Variants in SETD9 observed in about 807,000 individuals in gnomAD.
The protein encoded by SETD9 is SET domain-containing protein 9.
SETD9 carries 37 observed loss-of-function variants against 36.4 expected under a neutral mutation model. The ratio of observed to expected loss-of-function variants is 1.02; its 90% CI spans 0.78 to 1.34. The LOEUF (loss-of-function observed/expected upper bound fraction) is 1.34. SETD9 is among the 40% of genes most tolerant of loss of function. SETD9 has a pLI of 0.00. For missense variants in SETD9, 323 were observed against 353.2 expected, an observed-to-expected ratio of 0.91 and a Z score of 0.69; for synonymous variants, 128 against 132.9, an observed-to-expected ratio of 0.96 and a Z score of 0.26.
downstream of SETD9, among the ~76,000 whole-genome samples, chr5:56,926,111 T>C (rs832532): frequency 0.79 from 119,493 of 152,002 alleles, 47,398 homozygotes; most frequent in Non-Finnish European, 0.84. Context: ...AAATGGATTA[T>C]AGACCTAAAT....
chr5:56,914,428 A>C (rs1206801614), intron 4 of SETD9, among the ~76,000 whole-genome samples: 1 of 152,160 alleles, frequency 6.6e-6, no homozygotes, highest in East Asian at 1.9e-4. Flanking sequence ...TACATTTAAC[A>C]TGGGCTTTGG....
At chr5:56,918,257 A>G (rs1749508745), downstream of SETD9, among the ~76,000 whole-genome samples, 1 of 151,908 alleles carries the variant, frequency 6.6e-6, no homozygotes, top group South Asian at 2.1e-4. Flanking sequence ...CACATTCCCA[A>G]CCAAGGACTT....
At position 56,913,108 on chromosome 5, in the gene SETD9, C is replaced by A. The variant is rs1749234763; in HGVS notation, c.564C>A (p.Asp188Glu). 6.2e-7 allele frequency: 1 copy of A among 1,613,918 alleles called. No individual in the cohort carries two copies. The highest frequency in any genetic ancestry group is 1.3e-5 in the African/African-American group (1 of 74,884). The change falls in exon 3 of 6, where the codon GAC (aspartate) becomes GAA (glutamate). Residue 188 changes from aspartate (D) to glutamate (E), a missense_variant. Transcript: ENST00000285947. ...ATGGGGTACTCATTGATGGGAATGA[C>A]AAAGGGATATCAAAAGTTGTGTACA... Reference protein sequence around the residue: ...CLDGVLIDGNDKGISKVVYRS... With the variant: ...CLDGVLIDGNEKGISKVVYRS...
rs779438595 is a variant in SETD9 at position 56,911,198 on chromosome 5, A to G, written c.128A>G (p.Lys43Arg). 2.4e-5 allele frequency: 37 copies of G among 1,569,268 alleles called. No individual in the cohort carries two copies. The highest frequency in any genetic ancestry group is 2.9e-5 in the Non-Finnish European group (34 of 1,162,044). ...CTCCGATATGTTCCAGAGGAATCCA[A>G]AGACAAAGTTATCTCAGATGAAGAT... ...RTLRYVPEES[K>R]DKVISDEDVL... The change falls in exon 2 of 6, where the codon AAA becomes AGA. Residue 43 changes from lysine to arginine, a missense_variant. By Grantham distance (26) the Lys-to-Arg change is conservative (BLOSUM62 2). Coordinates refer to ENST00000285947, the MANE Select transcript of SETD9 (RefSeq NM_153706.4).
At chr5:56,922,317 C>G (rs1204254795), downstream of SETD9, 1 of 152,410 alleles carries the variant, frequency 6.6e-6, no homozygotes, top group Non-Finnish European at 1.5e-5. Context: ...GACAAAACCC[C>G]ATCTGAGTAC....
At chr5:56,909,977 C>T in intron 1 of SETD9, 4 of 1,283,236 alleles carry the variant, frequency 3.1e-6, no homozygotes, top group Non-Finnish European at 4.1e-6. Flanking sequence ...GTCCGAGGCC[C>T]GCTGGAAGCC....
chr5:56,909,435 G>T, upstream of SETD9: 1 of 468,008 alleles, frequency 2.1e-6, no homozygotes, highest in Admixed American at 4.4e-5. Context: ...CCTCCTTCCA[G>T]CTCTACGCGC....
At chr5:56,923,082 C>G in intron 5 of SETD9, 1 of 1,553,158 alleles carries the variant, frequency 6.4e-7, no homozygotes, top group Non-Finnish European at 8.8e-7. Context: ...TAGCTCCCCT[C>G]AAGTTTACTG....
chr5:56,915,736 G>T (rs957234035), intron 5 of SETD9, among the ~76,000 whole-genome samples: 1 of 152,156 alleles, frequency 6.6e-6, no homozygotes, highest in African/African-American at 2.4e-5. Context: ...GGCCAAGGTG[G>T]GTGGATTGCT....
chr5:56,914,921 T>C lies in SETD9; in HGVS notation c.767T>C (p.Leu256Pro), dbSNP rs1210346540. 7.5e-6 allele frequency: 12 copies of C among 1,600,248 alleles called. No individual in the cohort carries two copies. Among genetic ancestry groups the C allele is most frequent in the Non-Finnish European group, 1.0e-5 (12 of 1,170,702 alleles). The change falls in exon 5 of 6, where the codon CTG (leucine) becomes CCG (proline). Residue 256 changes from leucine to proline, a missense_variant. Physicochemically the swap from Leu to Pro is moderately conservative, Grantham distance 98. Coordinates refer to ENST00000285947, the MANE Select transcript of SETD9 (RefSeq NM_153706.4). ...FDVPAVFPIE[L>P]KQYLPNIAYS... ...GTGCCTGCAGTTTTCCCTATAGAAC[T>C]GAAGCAGTATCTTCCAAACATTGCC... is the stretch of plus-strand genomic sequence containing the variant.
At chr5:56,915,528 A>T (rs1189707097) in intron 5 of SETD9, among the ~76,000 whole-genome samples, 1 of 152,244 alleles carries the variant, frequency 6.6e-6, no homozygotes, top group African/African-American at 2.4e-5. Flanking sequence ...TGGAGAGCTA[A>T]GAGTTCTTTC....
chr5:56,918,647 G>A (rs1749524468), downstream of SETD9, among the ~76,000 whole-genome samples: 1 of 152,164 alleles, frequency 6.6e-6, no homozygotes, highest in Non-Finnish European at 1.5e-5. Flanking sequence ...CTGTGCATGT[G>A]TCCACCACAG....
chr5:56,916,244 TAGTC>T (rs1344257262), intron 5 of SETD9, among the ~76,000 whole-genome samples: 1 of 151,894 alleles, frequency 6.6e-6, no homozygotes, highest in Non-Finnish European at 1.5e-5. Flanking sequence ...ATACAAAAAT[TAGTC>T]AGGCGTGGTG....
At chr5:56,909,777 T>C (rs1297481993) in intron 1 of SETD9, 34 bp downstream of exon 1, 17 of 1,580,878 alleles carry the variant, frequency 1.1e-5, no homozygotes, top group Non-Finnish European at 1.5e-5. Context: ...GAGGGGCACC[T>C]GCCTTCGGTT....
Position 56,923,507 on chromosome 5 carries a change from T to C in SETD9, c.813-1826T>C, listed in dbSNP as rs1473888286. ...ATGATTAACTTGTCCACGGGGTGTG[T>C]TGCCCAGTGGAGGAAAGCTATCATC... is the stretch of plus-strand genomic sequence containing the variant. On this transcript the variant is annotated intron_variant, in intron 5 of 5. Transcript: ENST00000628593. 4 of 1,614,056 alleles carry C rather than the reference T, an allele frequency of 2.5e-6. No homozygotes were observed. The Admixed American group carries it at 5.0e-5, about 20-fold the overall frequency.
intron 1 of SETD9, chr5:56,910,301 T>C (rs1177176269): frequency 4.6e-6 from 6 of 1,304,158 alleles, no homozygotes; most frequent in Non-Finnish European, 6.1e-6. Context: ...AAGAAGCCCA[T>C]CCCGGCTGTG....
At position 56,911,521 on chromosome 5, in the gene SETD9, G is replaced by C. The variant is rs750339308; in HGVS notation, c.451G>C (p.Val151Leu). The C allele has an allele frequency of 9.6e-6, 15 of 1,566,026 alleles. No homozygotes were observed. The highest frequency in any genetic ancestry group is 1.2e-5 in the South Asian group (1 of 82,956). The change falls in exon 2 of 6, where the codon GTA becomes CTA. Residue 151 changes from valine (V) to leucine (L), a missense_variant. Transcript: ENST00000285947. ...TKGLVPKGAV[V>L]SMYPGTVYQK... ...AGGATTGGTACCAAAAGGCGCAGTC[G>C]TATCTATGTATCCTGGTAACAGCAC... is the stretch of plus-strand genomic sequence containing the variant.
intron 5 of SETD9, chr5:56,923,084 A>G: frequency 1.3e-6 from 2 of 1,555,564 alleles, no homozygotes; most frequent in Non-Finnish European, 1.8e-6. Context: ...GCTCCCCTCA[A>G]GTTTACTGGT....
intron 1 of SETD9, 32 bp downstream of exon 1, chr5:56,909,775 C>A (rs1749001244): frequency 6.3e-7 from 1 of 1,586,600 alleles, no homozygotes; most frequent in Non-Finnish European, 8.6e-7. Flanking sequence ...ACGAGGGGCA[C>A]CTGCCTTCGG....
Sources: allele counts gnomAD v4.1 joint callset (sites outside exome capture counted in the v4.1 genomes callset), GRCh38; gene constraint gnomAD v4.1.1; transcripts MANE v1.5; gene names NCBI Gene and HGNC (gene_info 2026-07-23, HGNC 2026-07-21).